Variants in FGD5 observed in about 807,000 individuals in gnomAD.
The protein encoded by FGD5 is FYVE, RhoGEF and PH domain containing 5, also known as FYVE, RhoGEF and PH domain-containing protein 5.
FGD5 carries 28 observed loss-of-function variants against 133.4 expected under a neutral mutation model. That is an observed-to-expected ratio of 0.21 (90% CI 0.16 to 0.29). The LOEUF is 0.29. Among genes scored for constraint, FGD5 ranks in the 10% least tolerant of loss-of-function variants. The pLI is 1.00. For synonymous variants in FGD5, 810 were observed against 776.5 expected, an observed-to-expected ratio of 1.04 and a Z score of -0.72; for missense variants, 1,858 against 1,895.2, an observed-to-expected ratio of 0.98 and a Z score of 0.36.
chr3:14,917,338 T>C lies in FGD5; in HGVS notation c.3489+6T>C, dbSNP rs2038578118. 1 of 1,611,224 alleles carries C rather than the reference T, an allele frequency of 6.2e-7. No individual in the cohort carries two copies. The highest frequency in any genetic ancestry group is 8.5e-7 in the Non-Finnish European group (1 of 1,178,642). On this transcript the variant is annotated splice_donor_region_variant and intron_variant, in intron 12 of 19. Coordinates refer to ENST00000285046, the MANE Select transcript of FGD5 (RefSeq NM_152536.4). This position sits in a 1 kb window ranked among gnomAD's most constrained non-coding sequence, Gnocchi z 4.1. ...TGGCTGTGGCCAACATGAAGGTAAATATCTGGTGCCAGGTACCCCCGGGTT... is the reference window on the plus strand; with the variant it reads ...TGGCTGTGGCCAACATGAAGGTAAACATCTGGTGCCAGGTACCCCCGGGTT...
chr3:14,916,234 A>G (rs2038551248), intron 11 of FGD5, among the ~76,000 whole-genome samples: 1 of 152,092 alleles, frequency 6.6e-6, no homozygotes, highest in African/African-American at 2.4e-5. Flanking sequence ...GGAAGCTGAG[A>G]CTCAGCTGAG....
intron 1 of FGD5, among the ~76,000 whole-genome samples, chr3:14,846,400 G>A (rs1256476422): frequency 6.6e-6 from 1 of 152,172 alleles, no homozygotes; most frequent in Non-Finnish European, 1.5e-5. Flanking sequence ...GCTTTCTATT[G>A]TCGTGGTCTC....
chr3:14,891,977 G>C (rs1408847226), intron 4 of FGD5, among the ~76,000 whole-genome samples: 1 of 149,906 alleles, frequency 6.7e-6, no homozygotes, highest in East Asian at 2.0e-4. Context: ...CACTGGATCT[G>C]TTTCCTTGTT....
chr3:14,877,239 G>T (rs2125114997), intron 2 of FGD5, among the ~76,000 whole-genome samples: 1 of 152,338 alleles, frequency 6.6e-6, no homozygotes, highest in Admixed American at 6.5e-5. Flanking sequence ...CGTGCCTCGG[G>T]CACACAGCCT....
chr3:14,859,576 A>G (rs1043508722), intron 1 of FGD5, among the ~76,000 whole-genome samples: 8 of 151,984 alleles, frequency 5.3e-5, no homozygotes, highest in African/African-American at 1.9e-4. Context: ...AAATAATAAA[A>G]GAAAGAAAGA....
At chr3:14,830,783 G>T (rs17040339) in intron 1 of FGD5, among the ~76,000 whole-genome samples, 4 of 152,186 alleles carry the variant, frequency 2.6e-5, no homozygotes, top group Non-Finnish European at 4.4e-5. Flanking sequence ...CCAAAGAGGA[G>T]AGTTGTGTTG....
chr3:14,859,572 TAAAA>T (rs1346125444), intron 1 of FGD5, among the ~76,000 whole-genome samples: 1 of 134,138 alleles, frequency 7.5e-6, no homozygotes. Context: ...AAAAAAATAA[TAAAA>T]GAAAGAAAGA....
intron 1 of FGD5, among the ~76,000 whole-genome samples, chr3:14,813,393 G>T (rs2036323151): frequency 6.6e-6 from 1 of 152,160 alleles, no homozygotes; most frequent in Non-Finnish European, 1.5e-5. Context: ...CCTAACAGCA[G>T]CCTAATTAGA....
chr3:14,884,796 G>A (rs2037892755), intron 4 of FGD5, among the ~76,000 whole-genome samples: 1 of 152,198 alleles, frequency 6.6e-6, no homozygotes, highest in African/African-American at 2.4e-5. Context: ...CCCATGGGAA[G>A]TGACCAACTC....
chr3:14,865,174 G>A (rs1177383100), intron 2 of FGD5, among the ~76,000 whole-genome samples: 15 of 120,966 alleles, frequency 1.2e-4, no homozygotes, highest in African/African-American at 4.4e-4. Flanking sequence ...GAGAGGCAAA[G>A]AGTGAAGCGC....
chr3:14,923,302 G>T (rs2038724673), intron 16 of FGD5, 127 bp downstream of exon 16: 2 of 1,331,042 alleles, frequency 1.5e-6, no homozygotes, highest in Non-Finnish European at 2.0e-6. Context: ...TTCACTCCAT[G>T]GAGGGAGGAA....
intron 7 of FGD5, among the ~76,000 whole-genome samples, chr3:14,899,801 G>A (rs1177148513): frequency 6.6e-6 from 1 of 152,218 alleles, no homozygotes; most frequent in African/African-American, 2.4e-5. Flanking sequence ...CAGGGCTGCT[G>A]TGTTAGCGAT....
At chr3:14,905,762 C>G (rs1056651312) in intron 9 of FGD5, among the ~76,000 whole-genome samples, 1 of 152,120 alleles carries the variant, frequency 6.6e-6, no homozygotes, top group Admixed American at 6.5e-5. Context: ...TCCCTTCTCA[C>G]TGTGGTTTGA....
At chr3:14,882,693 GTCT>G (rs1403359021) in intron 4 of FGD5, among the ~76,000 whole-genome samples, 1 of 132,926 alleles carries the variant, frequency 7.5e-6, no homozygotes, top group East Asian at 3.2e-4. Flanking sequence ...GGGAGACTCT[GTCT>G]GAAAAAAAAA....
rs1017738096 is a variant in FGD5, at chr3:14,897,375, C to G, written c.2749-134C>G. 69 of 1,020,310 alleles carry G rather than the reference C, an allele frequency of 6.8e-5. 2 individuals carry two copies. In the Admixed American group the frequency reaches 1.8e-3, roughly 26 times the overall value. The allele number at this position is 1,020,310 out of a possible 1,614,324, so 63.2% of individuals were successfully genotyped here. A position where few individuals can be genotyped will look rare whatever the true frequency, so the allele number is the denominator to read the frequency against. On this transcript the variant is annotated intron_variant, in intron 4 of 19. Coordinates refer to ENST00000285046, the MANE Select transcript of FGD5 (RefSeq NM_152536.4). ...TGCTTTGTAGGTGAGACTGTTGGGT[C>G]TGGAGACACTGGCTTAAGTCCTCAC... is the stretch of plus-strand genomic sequence containing the variant.
At chr3:14,847,564 G>A (rs1052335825) in intron 1 of FGD5, among the ~76,000 whole-genome samples, 16 of 152,182 alleles carry the variant, frequency 1.1e-4, no homozygotes, top group Non-Finnish European at 1.9e-4. Context: ...GTATGTTCTC[G>A]TTGTTTTGTA....
chr3:14,868,535 T>TA (rs1395061860), intron 2 of FGD5, among the ~76,000 whole-genome samples: 2 of 152,206 alleles, frequency 1.3e-5, no homozygotes, highest in African/African-American at 4.8e-5. Flanking sequence ...CAGCTGGGGT[T>TA]AAACACCACC....
chr3:14,854,568 A>C (rs1415300381), intron 1 of FGD5, among the ~76,000 whole-genome samples: 1 of 151,948 alleles, frequency 6.6e-6, no homozygotes, highest in Non-Finnish European at 1.5e-5. Flanking sequence ...GGTGTGCACC[A>C]CTGCACCTAG....
At chr3:14,901,812 C>T (rs1189203841) in intron 9 of FGD5, among the ~76,000 whole-genome samples, 1 of 152,184 alleles carries the variant, frequency 6.6e-6, no homozygotes, top group Non-Finnish European at 1.5e-5. Context: ...TATTGGACAC[C>T]TGCTATGTGT....
Sources: gnomAD v4.1 joint callset for allele counts (sites outside exome capture counted in the v4.1 genomes callset) on GRCh38, gnomAD v4.1.1 for gene constraint, Gnocchi (gnomAD v3.1) non-coding constraint, MANE v1.5 for transcripts, NCBI Gene and HGNC (gene_info 2026-07-23, HGNC 2026-07-21) for gene names.